Variants in TTC22 observed in about 807,000 individuals in gnomAD.
TTC22 encodes tetratricopeptide repeat protein 22.
In TTC22, 42 loss-of-function variants were observed where a neutral mutation model predicts 48.2. The observed-to-expected ratio is 0.87, with a 90% CI of 0.68 to 1.13. TTC22 has a LOEUF of 1.13. Ranked by LOEUF, TTC22 falls within the 50% of genes most tolerant of loss-of-function variation. TTC22 has a pLI of 0.00. For missense variants in TTC22, 784 were observed against 807.0 expected, an observed-to-expected ratio of 0.97 and a Z score of 0.34; for synonymous variants, 345 against 365.5, an observed-to-expected ratio of 0.94 and a Z score of 0.64.
intron 1 of TTC22, among the ~76,000 whole-genome samples, chr1:54,789,931 T>C (rs1570113133): frequency 6.6e-6 from 1 of 152,194 alleles, no homozygotes; most frequent in Non-Finnish European, 1.5e-5. Context: ...GAGCAAGGCA[T>C]GCTGGGGTCT....
intron 1 of TTC22, among the ~76,000 whole-genome samples, chr1:54,797,592 G>A (rs1056480969): frequency 1.3e-5 from 2 of 152,128 alleles, no homozygotes; most frequent in African/African-American, 2.4e-5. Flanking sequence ...AGGTTGCAGT[G>A]AGCCGAGATC....
chr1:54,791,720 G>C (rs764692526), intron 1 of TTC22, among the ~76,000 whole-genome samples: 1 of 152,044 alleles, frequency 6.6e-6, no homozygotes, highest in East Asian at 1.9e-4. Flanking sequence ...GCCTCCACAG[G>C]TCCCCAGTGT....
chr1:54,789,438 G>A (rs1268492691), intron 1 of TTC22, among the ~76,000 whole-genome samples: 1 of 152,226 alleles, frequency 6.6e-6, no homozygotes, highest in Non-Finnish European at 1.5e-5. Context: ...GGGGATCTGG[G>A]GGAGCCAATG....
intron 4 of TTC22, chr1:54,786,509 T>C: frequency 3.9e-6 from 1 of 257,888 alleles, no homozygotes; most frequent in Non-Finnish European, 7.4e-6. Context: ...CCTTACAAAG[T>C]ACAGGGTTTC....
At chr1:54,781,816 G>C in intron 6 of TTC22, 37 bp from the exon 7 acceptor site, 2 of 1,385,268 alleles carry the variant, frequency 1.4e-6, no homozygotes, top group Non-Finnish European at 1.9e-6. Context: ...CTTCACCGCA[G>C]GCGCGGCTCC....
At chr1:54,785,289 T>C in intron 5 of TTC22, 1 of 276,042 alleles carries the variant, frequency 3.6e-6, no homozygotes, top group Non-Finnish European at 7.1e-6. Context: ...ACTGTGTCTG[T>C]TGACAACATT....
At position 54,780,124 on chromosome 1, in the gene TTC22, A is replaced by C. The variant is rs1646250805; in HGVS notation, c.*1119T>G. 6.6e-6 allele frequency: 1 copy of C among 152,178 alleles called. No homozygotes were observed. Among genetic ancestry groups the C allele is most frequent in the Non-Finnish European group, 1.5e-5 (1 of 68,070 alleles). 9.4% of individuals were successfully genotyped at this position (152,178 alleles called of 1,614,324 possible). A position where few individuals can be genotyped will look rare whatever the true frequency, so the allele number is the denominator to read the frequency against. ...ACAGAGTGAGACTCTGTCTCAAAAA[A>C]AGGATTCTACGACTATGATTCCAAG... On this transcript the variant is annotated 3_prime_UTR_variant, in exon 7 of 7. Transcript: ENST00000371276.
rs775341429 is a variant in TTC22 at position 54,801,114 on chromosome 1, T to C, written c.50A>G (p.Asp17Gly). 5.6e-6 allele frequency: 9 copies of C among 1,611,214 alleles called. No homozygotes were observed. In the African/African-American group the frequency reaches 6.7e-5, roughly 12 times the overall value. Residue 17 changes from aspartate (D) to glycine (G), a missense_variant, in exon 1 of 7, where the codon GAC becomes GGC. Asp to Gly is a moderately conservative substitution (Grantham distance 94). Transcript: ENST00000371276. ...AAAGTGGCCCGGGAGGTAGTCCAGGTCGTCGATGAGGGCGTCTAGATCGTC... is the reference window on the plus strand; with the variant it reads ...AAAGTGGCCCGGGAGGTAGTCCAGGCCGTCGATGAGGGCGTCTAGATCGTC... ...VADDLDALIDDLDYLPGHFHL... is the reference protein window; with the variant it reads ...VADDLDALIDGLDYLPGHFHL...
In TTC22 at chr1:54,801,311, G is replaced by T. The variant is rs1570125449; in HGVS notation, c.-148C>A. 1.3e-6 allele frequency: 1 copy of T among 773,596 alleles called. No homozygotes were observed. The highest frequency in any genetic ancestry group is 2.0e-6 in the Non-Finnish European group (1 of 488,264). 47.9% of individuals were successfully genotyped at this position (773,596 alleles called of 1,614,324 possible). ...CGCTGCGGCCTCTCGGTCTCAGGGC[G>T]CCTCCCGCAGGTGGGTGGGCCCGAG... On this transcript the variant is annotated 5_prime_UTR_variant, in exon 1 of 7. Coordinates refer to ENST00000371276, the MANE Select transcript of TTC22 (RefSeq NM_001114108.2).
chr1:54,797,317 A>G (rs1003416276), intron 1 of TTC22, among the ~76,000 whole-genome samples: 1 of 152,062 alleles, frequency 6.6e-6, no homozygotes, highest in Non-Finnish European at 1.5e-5. Flanking sequence ...TGATGGGAGG[A>G]GGAGGGGAGT....
rs1232404840 is a variant in TTC22 at position 54,787,000 on chromosome 1, T to C, written c.815A>G (p.Asp272Gly). ...AGGGTCGGTCCCTGAGTACCCGCAGTCATGGACGCCCATGGGGGTGGTGGA... is the reference window on the plus strand; with the variant it reads ...AGGGTCGGTCCCTGAGTACCCGCAGCCATGGACGCCCATGGGGGTGGTGGA... ...TFSTTPMGVH[D>G]CGYSGTDPLD... Residue 272 changes from aspartate (D) to glycine (G), a missense_variant, in exon 4 of 7, where the codon GAC becomes GGC. Transcript: ENST00000371276. 6.4e-7 allele frequency: 1 copy of C among 1,565,254 alleles called. No individual in the cohort carries two copies. The highest frequency in any genetic ancestry group is 8.6e-7 in the Non-Finnish European group (1 of 1,156,534).
At chr1:54,781,838 C>T (rs1646265859) in intron 6 of TTC22, 59 bp from the exon 7 acceptor site, 2 of 1,357,984 alleles carry the variant, frequency 1.5e-6, no homozygotes, top group Middle Eastern at 2.6e-4. Context: ...CGCTCATTCC[C>T]GCCCCACGCT....
At chr1:54,796,062 G>A (rs1011061159) in intron 1 of TTC22, among the ~76,000 whole-genome samples, 5 of 152,250 alleles carry the variant, frequency 3.3e-5, no homozygotes, top group South Asian at 2.1e-4. Context: ...TGAGATAATC[G>A]ATGAAAAGCA....
At position 54,800,912 on chromosome 1, in the gene TTC22, C is replaced by T. The variant is rs564106427; in HGVS notation, c.252G>A (p.Glu84=). The change falls in exon 1 of 7, where the codon GAG becomes GAA. Residue 84 remains glutamate, a synonymous_variant. Transcript: ENST00000371276. ...CCACCTCGAGGAAGCACTCGCGGGC[C>T]TCGTCCAGCTCCTCCAGGTAGAATG... The part of the protein sequence containing the change: ...AFAFYLEELD[E]ARECFLEVAH... The T allele has an allele frequency of 2.0e-5, 33 of 1,609,816 alleles. No individual in the cohort carries two copies. The Middle Eastern group carries it at 6.6e-4, about 32-fold the overall frequency.
In TTC22 at chr1:54,786,995, C is replaced by G; in HGVS notation, c.820G>C (p.Gly274Arg). ...TCTAGAGGGTCGGTCCCTGAGTACC[C>G]GCAGTCATGGACGCCCATGGGGGTG... is the stretch of plus-strand genomic sequence containing the variant. ...STTPMGVHDCGYSGTDPLDCF... is the reference protein window; with the variant it reads ...STTPMGVHDCRYSGTDPLDCF... The change falls in exon 4 of 7, where the codon GGG becomes CGG. Residue 274 changes from glycine to arginine, a missense_variant. Transcript: ENST00000371276. 6.4e-7 allele frequency: 1 copy of G among 1,563,616 alleles called. No homozygotes were observed. Among genetic ancestry groups the G allele is most frequent in the Non-Finnish European group, 8.7e-7 (1 of 1,155,792 alleles).
At chr1:54,786,339 A>G (rs1182835379) in intron 4 of TTC22, 195 bp from the exon 5 acceptor site, 3 of 534,648 alleles carry the variant, frequency 5.6e-6, no homozygotes, top group East Asian at 6.7e-5. Context: ...GGCACAACCT[A>G]TTGGCACTCA....
Position 54,781,356 on chromosome 1 carries a change from G to A in TTC22, c.1597C>T (p.Arg533Trp), listed in dbSNP as rs1414296187. 2.9e-6 allele frequency: 4 copies of A among 1,401,100 alleles called. No homozygotes were observed. In the South Asian group the frequency reaches 4.6e-5, roughly 16 times the overall value. The allele number at this position is 1,401,100 out of a possible 1,614,324, so 86.8% of individuals were successfully genotyped here. A position where few individuals can be genotyped will look rare whatever the true frequency, so the allele number is the denominator to read the frequency against. ...GGCCGTCCCTGGGCCACCAGGGCCC[G>A]GGCCAGCCCCAACACCTCGTCCGTG... ...GHTDEVLGLA[R>W]ALVAQGRPAL... The change falls in exon 7 of 7, where the codon CGG becomes TGG. Residue 533 changes from arginine to tryptophan, a missense_variant. Arg to Trp is a moderately radical substitution (Grantham distance 101). Coordinates refer to ENST00000371276, the MANE Select transcript of TTC22 (RefSeq NM_001114108.2).
In TTC22 at chr1:54,786,123, G is replaced by C; in HGVS notation, c.880C>G (p.Gln294Glu). Residue 294 changes from glutamine (Q) to glutamate (E), a missense_variant, in exon 5 of 7, where the codon CAA (glutamine) becomes GAA (glutamate). Coordinates refer to ENST00000371276, the MANE Select transcript of TTC22 (RefSeq NM_001114108.2). ...GCCAGGCGATTCAGGATGGGAGGTT[G>C]GTTCTTGGCAATCTCAATGGCCTAG... ...FGKAIEIAKN[Q>E]PPILNRLAKI... 6.2e-7 allele frequency: 1 copy of C among 1,614,084 alleles called. No homozygotes were observed.
chr1:54,799,389 GCCT>G (rs1553187368), intron 1 of TTC22, among the ~76,000 whole-genome samples: 1 of 151,340 alleles, frequency 6.6e-6, no homozygotes, highest in Non-Finnish European at 1.5e-5. Flanking sequence ...CCAGTGAACG[GCCT>G]CCTAAGAGCA....
Sources: allele counts gnomAD v4.1 joint callset (sites outside exome capture counted in the v4.1 genomes callset), GRCh38; gene constraint gnomAD v4.1.1; transcripts MANE v1.5; gene names NCBI Gene and HGNC (gene_info 2026-07-23, HGNC 2026-07-21).